The following TBX10 variants were observed in gnomAD, a reference collection of about 807,000 sequenced individuals.
TBX10 encodes the protein T-box transcription factor 10.
Under a neutral mutation model 32.4 loss-of-function variants are expected in TBX10, and 26 were observed. The ratio of observed to expected loss-of-function variants is 0.80; its 90% CI spans 0.59 to 1.11. The LOEUF (loss-of-function observed/expected upper bound fraction) is 1.11. Ranked by LOEUF, TBX10 falls within the 50% of genes most tolerant of loss-of-function variation. The probability of loss-of-function intolerance (pLI) is 0.00; values close to 1 mark genes in which losing one functional copy is unlikely to be tolerated. For synonymous variants in TBX10, 195 were observed against 203.1 expected (o/e 0.96, Z 0.34); for missense variants, 490 against 494.5 (o/e 0.99, Z 0.09).
intron 1 of TBX10, among the ~76,000 whole-genome samples, chr11:67,637,374 C>G (rs1001291572): frequency 1.3e-5 from 2 of 151,966 alleles, no homozygotes; most frequent in Non-Finnish European, 2.9e-5. Flanking sequence ...TTACTTTTTG[C>G]AGAAAGGGTA....
At chr11:67,640,163 A>G (rs1855385470), upstream of TBX10, among the ~76,000 whole-genome samples, 1 of 152,204 alleles carries the variant, frequency 6.6e-6, no homozygotes, top group Admixed American at 6.5e-5. Flanking sequence ...GGGCAGCAGC[A>G]ACGAGTGCAG....
At chr11:67,635,410 C>T (rs1252886550) in intron 1 of TBX10, 147 bp from the exon 2 acceptor site, 4 of 1,200,900 alleles carry the variant, frequency 3.3e-6, no homozygotes, top group Admixed American at 2.0e-5. Context: ...CAGCATCACT[C>T]TGTGAGGTAA....
Position 67,639,636 on chromosome 11 carries a change from C to T in TBX10, c.-164G>A, listed in dbSNP as rs192038682. The T allele has an allele frequency of 7.0e-4, 634 of 902,956 alleles. No individual in the cohort carries two copies. The highest frequency in any genetic ancestry group is 9.3e-4 in the Non-Finnish European group (528 of 566,506). 55.9% of individuals were successfully genotyped at this position (902,956 alleles called of 1,614,324 possible). On this transcript the variant is annotated 5_prime_UTR_variant, in exon 1 of 8. Transcript: ENST00000335385. ...CTCGGCAGGACGGTCCTTGCCTCCTCGATCGCCCTTCGTCCACGTCCTGAG... is the reference window on the plus strand; with the variant it reads ...CTCGGCAGGACGGTCCTTGCCTCCTTGATCGCCCTTCGTCCACGTCCTGAG...
At chr11:67,634,168 C>A in intron 4 of TBX10, 21 bp downstream of exon 4, 1 of 1,611,174 alleles carries the variant, frequency 6.2e-7, no homozygotes, top group Non-Finnish European at 8.5e-7. Flanking sequence ...CCTTCCGTCC[C>A]CACCGTGGCC....
In TBX10 at chr11:67,631,762, G is replaced by A; in HGVS notation, c.1001C>T (p.Ala334Val). The A allele has an allele frequency of 1.2e-6, 2 of 1,607,344 alleles. No homozygotes were observed. The highest frequency in any genetic ancestry group is 1.7e-6 in the Non-Finnish European group (2 of 1,177,372). Residue 334 changes from alanine (A) to valine (V), a missense_variant, in exon 8 of 8, where the codon GCC becomes GTC. This residue lies in a region of TBX10 where 177 missense variants were observed against 176.6 expected (regional missense o/e 1.00). Coordinates refer to ENST00000335385, the MANE Select transcript of TBX10 (RefSeq NM_005995.5). Reference protein sequence around the residue: ...PVTYQSLYSGAPSHLGIPRTR... With the variant: ...PVTYQSLYSGVPSHLGIPRTR... ...CCTTGGGATCCCTAGGTGGCTCGGGGCTCCAGAGTACAGGCTCTGATACGT... is the reference window on the plus strand; with the variant it reads ...CCTTGGGATCCCTAGGTGGCTCGGGACTCCAGAGTACAGGCTCTGATACGT...
chr11:67,631,867 G>A lies in TBX10; in HGVS notation c.896C>T (p.Ser299Phe). 1 of 1,576,082 alleles carries A rather than the reference G, an allele frequency of 6.3e-7. No homozygotes were observed. The highest frequency in any genetic ancestry group is 8.6e-7 in the Non-Finnish European group (1 of 1,160,682). Residue 299 changes from serine to phenylalanine, a missense_variant, in exon 8 of 8, where the codon TCC becomes TTC. Around this residue, in one of 3 missense-constraint regions of TBX10, gnomAD observed 177 missense variants for 176.6 expected, o/e 1.00. Coordinates refer to ENST00000335385, the MANE Select transcript of TBX10 (RefSeq NM_005995.5). ...KDPNKASAST[S>F]KTPAWLHHQL... ...ATGATGGAGCCAAGCAGGGGTCTTGGAGGTGGAAGCTGAAGCTTTGTTGGG... is the reference window on the plus strand; with the variant it reads ...ATGATGGAGCCAAGCAGGGGTCTTGAAGGTGGAAGCTGAAGCTTTGTTGGG...
At chr11:67,639,419 C>A (rs1161415605) in intron 1 of TBX10, 47 bp downstream of exon 1, 7 of 1,216,304 alleles carry the variant, frequency 5.8e-6, no homozygotes, top group South Asian at 1.2e-5. Flanking sequence ...CACCCTGGAA[C>A]CTGAGCCTGA....
intron 5 of TBX10, 78 bp downstream of exon 5, chr11:67,632,870 G>A (rs2134098447): frequency 1.9e-6 from 3 of 1,610,456 alleles, no homozygotes; most frequent in Middle Eastern, 1.7e-4. Context: ...GTGCCAGTGA[G>A]GGCTGCAAGC....
At chr11:67,635,639 G>A (rs987647339) in intron 1 of TBX10, among the ~76,000 whole-genome samples, 2 of 147,630 alleles carry the variant, frequency 1.4e-5, no homozygotes, top group Non-Finnish European at 3.0e-5. Context: ...AGGGGCTGGT[G>A]CACAGGGGGC....
In TBX10 at chr11:67,633,060, A is replaced by G. The variant is rs774736258; in HGVS notation, c.593T>C (p.Val198Ala). ...GTCCTTGCGTGGGTCCACGAAGACC[A>G]CGTGGAAACGGGGCTGGTAGCGGTG... ...SMHRYQPRFH[V>A]VFVDPRKDSE... The change falls in exon 5 of 8, where the codon GTG becomes GCG. Residue 198 changes from valine to alanine, a missense_variant. Coordinates refer to ENST00000335385, the MANE Select transcript of TBX10 (RefSeq NM_005995.5). The G allele has an allele frequency of 2.7e-5, 44 of 1,614,024 alleles. No individual in the cohort carries two copies. The highest frequency in any genetic ancestry group is 3.4e-5 in the Non-Finnish European group (40 of 1,179,980).
rs1855376025 is a variant in TBX10 at position 67,639,537 on chromosome 11, C to T, written c.-65G>A. ...TTGGCTGGGGCTGGGAACCTGCCTG[C>T]TGGAAGGGGTGGTCACCACTCGTCC... On this transcript the variant is annotated 5_prime_UTR_variant, in exon 1 of 8. Coordinates refer to ENST00000335385, the MANE Select transcript of TBX10 (RefSeq NM_005995.5). 6.2e-7 allele frequency: 1 copy of T among 1,608,154 alleles called. No individual in the cohort carries two copies. The highest frequency in any genetic ancestry group is 8.5e-7 in the Non-Finnish European group (1 of 1,176,624).
chr11:67,639,526 G>C lies in TBX10; in HGVS notation c.-54C>G. Reference sequence around the variant, plus strand: ...AGAAACACTGCTTGGCTGGGGCTGGGAACCTGCCTGCTGGAAGGGGTGGTC... The same window carrying C: ...AGAAACACTGCTTGGCTGGGGCTGGCAACCTGCCTGCTGGAAGGGGTGGTC... On this transcript the variant is annotated 5_prime_UTR_variant, in exon 1 of 8. Coordinates refer to ENST00000335385, the MANE Select transcript of TBX10 (RefSeq NM_005995.5). The C allele has an allele frequency of 6.2e-7, 1 of 1,611,824 alleles. No homozygotes were observed. Among genetic ancestry groups the C allele is most frequent in the East Asian group, 2.2e-5 (1 of 44,824 alleles).
Position 67,632,350 on chromosome 11 carries a change from CAG to C in TBX10, c.834_835del (p.Val280AlafsTer34). The C allele has an allele frequency of 6.2e-7, 1 of 1,613,414 alleles. No individual in the cohort carries two copies. The highest frequency in any genetic ancestry group is 8.5e-7 in the Non-Finnish European group (1 of 1,180,018). On this transcript the variant is annotated frameshift_variant, in exon 7 of 8. Transcript: ENST00000335385. LOFTEE classifies it low-confidence loss of function (END_TRUNC). The stretch of plus-strand genomic sequence containing the variant: ...CCTGTCTGTGGCACCCTTCAGCACA[CAG>C]GGACTGAGGCTGCTGTGACTCCGGG...
chr11:67,640,499 T>C (rs1422467882), upstream of TBX10, among the ~76,000 whole-genome samples: 1 of 152,096 alleles, frequency 6.6e-6, no homozygotes, highest in Non-Finnish European at 1.5e-5. Context: ...TGCCTGTGGG[T>C]CTGTCTGTTC....
chr11:67,631,712 G>C lies in TBX10; in HGVS notation c.1051C>G (p.Pro351Ala). 1 of 1,609,964 alleles carries C rather than the reference G, an allele frequency of 6.2e-7. No homozygotes were observed. Among genetic ancestry groups the C allele is most frequent in the Non-Finnish European group, 8.5e-7 (1 of 1,178,706 alleles). ...TGATCCCTATCAGCCCGGATGTTGG[G>C]GAGGGGGTATGGTGCTGGTCGGGTC... ...PRTRPAPYPL[P>A]NIRADRDQGG... Residue 351 changes from proline (P) to alanine (A), a missense_variant, in exon 8 of 8, where the codon CCC (proline) becomes GCC (alanine). By Grantham distance (27) the Pro-to-Ala change is conservative (BLOSUM62 -1). Transcript: ENST00000335385.
At chr11:67,640,312 G>C (rs1055515024), upstream of TBX10, among the ~76,000 whole-genome samples, 1 of 152,242 alleles carries the variant, frequency 6.6e-6, no homozygotes, top group African/African-American at 2.4e-5. Context: ...AGCCTCCCCA[G>C]TTAACCTAAG....
At position 67,634,314 on chromosome 11, in the gene TBX10, G is replaced by T; in HGVS notation, c.424C>A (p.Pro142Thr). 1 of 1,608,684 alleles carries T rather than the reference G, an allele frequency of 6.2e-7. No homozygotes were observed. The highest frequency in any genetic ancestry group is 8.5e-7 in the Non-Finnish European group (1 of 1,179,850). Residue 142 changes from proline (P) to threonine (T), a missense_variant, in exon 4 of 8, where the codon CCA becomes ACA. This residue lies in a region of TBX10 where 307 missense variants were observed against 294.9 expected (regional missense o/e 1.04). Transcript: ENST00000335385. Reference sequence around the variant, plus strand: ...AAGTGCACGCGGCCAGGTGTGGCTGGGTCTGCCTTGCCCGCCACCAGCCAG... The same window carrying T: ...AAGTGCACGCGGCCAGGTGTGGCTGTGTCTGCCTTGCCCGCCACCAGCCAG... Reference protein sequence around the residue: ...SAWLVAGKADPATPGRVHFHP... With the variant: ...SAWLVAGKADTATPGRVHFHP...
chr11:67,633,338 C>G (rs1453451948), intron 4 of TBX10, among the ~76,000 whole-genome samples: 3 of 152,148 alleles, frequency 2.0e-5, no homozygotes, highest in Non-Finnish European at 4.4e-5. Flanking sequence ...CCACCCACTG[C>G]CTGTGTGCTG....
rs1322032336 is a variant in TBX10 at position 67,639,632 on chromosome 11, T to A, written c.-160A>T. The A allele has an allele frequency of 5.4e-6, 5 of 928,874 alleles. No individual in the cohort carries two copies. Among genetic ancestry groups the A allele is most frequent in the Non-Finnish European group, 8.5e-6 (5 of 588,680 alleles). The allele number at this position is 928,874 out of a possible 1,614,324, so 57.5% of individuals were successfully genotyped here. A position where few individuals can be genotyped will look rare whatever the true frequency, so the allele number is the denominator to read the frequency against. ...GTCTCTCGGCAGGACGGTCCTTGCC[T>A]CCTCGATCGCCCTTCGTCCACGTCC... On this transcript the variant is annotated 5_prime_UTR_variant, in exon 1 of 8. Coordinates refer to ENST00000335385, the MANE Select transcript of TBX10 (RefSeq NM_005995.5).
Sources: allele counts gnomAD v4.1 joint callset (sites outside exome capture counted in the v4.1 genomes callset), GRCh38; gene constraint gnomAD v4.1.1; regional missense constraint gnomAD v4.1.1; transcripts MANE v1.5; gene names NCBI Gene and HGNC (gene_info 2026-07-23, HGNC 2026-07-21).